The following SLC24A2 variants were observed in gnomAD, a reference collection of about 807,000 sequenced individuals.
SLC24A2 encodes the protein sodium/potassium/calcium exchanger 2.
A neutral mutation model predicts 62.0 loss-of-function variants in SLC24A2; 36 were observed. The ratio of observed to expected loss-of-function variants is 0.58; its 90% CI spans 0.44 to 0.77. SLC24A2 has a LOEUF of 0.77. Among genes scored for constraint, SLC24A2 ranks in the 30% least tolerant of loss-of-function variants. The pLI is 0.00. For missense variants in SLC24A2, 846 were observed against 817.9 expected, an observed-to-expected ratio of 1.03 and a Z score of -0.42; for synonymous variants, 358 against 294.0, an observed-to-expected ratio of 1.22 and a Z score of -2.23.
At chr9:19,833,094 T>A in the SLC24A2 span, among the ~76,000 whole-genome samples, 1 of 152,036 alleles carries the variant, frequency 6.6e-6, no homozygotes, top group Non-Finnish European at 1.5e-5. Flanking sequence ...GGAAACGATA[T>A]TGGGAGCCAA....
At chr9:20,272,744 C>T in the SLC24A2 span, among the ~76,000 whole-genome samples, 1 of 152,198 alleles carries the variant, frequency 6.6e-6, no homozygotes, top group Middle Eastern at 3.4e-3. Context: ...GTCAAGGTTC[C>T]TTTGGTTGCC....
chr9:20,106,384 A>C, the SLC24A2 span, among the ~76,000 whole-genome samples: 1 of 152,204 alleles, frequency 6.6e-6, no homozygotes, highest in Non-Finnish European at 1.5e-5. Context: ...AGCCGGGCAG[A>C]GACACAACCA....
chr9:19,802,837 T>A, the SLC24A2 span, among the ~76,000 whole-genome samples: 1 of 152,284 alleles, frequency 6.6e-6, no homozygotes, highest in East Asian at 1.9e-4. Flanking sequence ...AACATATATA[T>A]TGAAATGTAA....
At chr9:20,135,173 T>C in the SLC24A2 span, among the ~76,000 whole-genome samples, 1 of 152,170 alleles carries the variant, frequency 6.6e-6, no homozygotes, top group Non-Finnish European at 1.5e-5. Context: ...CCCAATCCTT[T>C]TGGAAACTGA....
chr9:19,932,440 G>A, the SLC24A2 span, among the ~76,000 whole-genome samples: 1 of 152,090 alleles, frequency 6.6e-6, no homozygotes, highest in African/African-American at 2.4e-5. Flanking sequence ...ATAATTTTAG[G>A]GGCCTGCTAA....
At chr9:19,654,511 C>T (rs1323376440) in intron 2 of SLC24A2, among the ~76,000 whole-genome samples, 2 of 152,140 alleles carry the variant, frequency 1.3e-5, no homozygotes, top group African/African-American at 4.8e-5. Flanking sequence ...TGGAGGTTCT[C>T]CTCCATCTTC....
the SLC24A2 span, among the ~76,000 whole-genome samples, chr9:19,969,900 T>C: frequency 6.6e-6 from 1 of 152,148 alleles, no homozygotes; most frequent in African/African-American, 2.4e-5. Flanking sequence ...ATACTAGGGA[T>C]TGCAATATAA....
At chr9:20,161,214 A>T in the SLC24A2 span, among the ~76,000 whole-genome samples, 7 of 151,468 alleles carry the variant, frequency 4.6e-5, no homozygotes, top group Non-Finnish European at 8.9e-5. Flanking sequence ...TTAAATGACA[A>T]ATTTCTAGAG....
chr9:19,629,982 G>T (rs140834067), intron 2 of SLC24A2, among the ~76,000 whole-genome samples: 1 of 152,070 alleles, frequency 6.6e-6, no homozygotes, highest in Admixed American at 6.6e-5. Context: ...TGGGATTTAG[G>T]TGTGGCCCAA....
intron 2 of SLC24A2, among the ~76,000 whole-genome samples, chr9:19,782,464 G>C (rs374377735): frequency 6.6e-6 from 1 of 152,114 alleles, no homozygotes; most frequent in Non-Finnish European, 1.5e-5. Context: ...ATGAAATAAA[G>C]ACATTTTGAA....
At chr9:20,103,901 A>G in the SLC24A2 span, among the ~76,000 whole-genome samples, 1 of 152,204 alleles carries the variant, frequency 6.6e-6, no homozygotes, top group Non-Finnish European at 1.5e-5. Context: ...AAACTACTCC[A>G]AGCTACAGGA....
At chr9:19,748,733 A>G (rs1821904185) in intron 2 of SLC24A2, among the ~76,000 whole-genome samples, 1 of 151,946 alleles carries the variant, frequency 6.6e-6, no homozygotes, top group African/African-American at 2.4e-5. Context: ...AGCTAAAGAC[A>G]TCCTCCTGGC....
At chr9:20,164,450 G>C in the SLC24A2 span, among the ~76,000 whole-genome samples, 7 of 152,038 alleles carry the variant, frequency 4.6e-5, no homozygotes, top group East Asian at 1.9e-4. Context: ...TCTCACACCA[G>C]TTAGAATGGC....
chr9:19,575,900 C>T (rs140450408), intron 6 of SLC24A2, among the ~76,000 whole-genome samples: 2 of 152,202 alleles, frequency 1.3e-5, no homozygotes, highest in Non-Finnish European at 2.9e-5. Context: ...TGTGGCTTTA[C>T]ATTTTTATAG....
intron 2 of SLC24A2, among the ~76,000 whole-genome samples, chr9:19,759,868 C>T (rs568778136): frequency 2.1e-4 from 32 of 152,304 alleles, no homozygotes; most frequent in African/African-American, 7.7e-4. Flanking sequence ...CATCAAACTC[C>T]ATATAAACAC....
intron 2 of SLC24A2, among the ~76,000 whole-genome samples, chr9:19,769,758 G>C (rs953513690): frequency 6.6e-6 from 1 of 152,066 alleles, no homozygotes; most frequent in Non-Finnish European, 1.5e-5. Flanking sequence ...CATGAGTCCT[G>C]GTGGACACTG....
intron 4 of SLC24A2, among the ~76,000 whole-genome samples, chr9:19,617,011 T>A (rs1349739300): frequency 1.3e-5 from 2 of 151,650 alleles, no homozygotes; most frequent in Non-Finnish European, 2.9e-5. Flanking sequence ...TAAAACAGAG[T>A]GAAATTGAGT....
chr9:19,769,661 A>C (rs545933275), intron 2 of SLC24A2, among the ~76,000 whole-genome samples: 1 of 152,308 alleles, frequency 6.6e-6, no homozygotes, highest in South Asian at 2.1e-4. Flanking sequence ...TGTAATCAGC[A>C]GGGCTGCATC....
At chr9:19,708,977 A>C (rs1820624328) in intron 2 of SLC24A2, among the ~76,000 whole-genome samples, 1 of 152,132 alleles carries the variant, frequency 6.6e-6, no homozygotes, top group South Asian at 2.1e-4. Context: ...CAACCTACAA[A>C]ATGGGAGAAA....
Sources: gnomAD v4.1 joint callset for allele counts (sites outside exome capture counted in the v4.1 genomes callset) on GRCh38, gnomAD v4.1.1 for gene constraint, MANE v1.5 for transcripts, NCBI Gene and HGNC (gene_info 2026-07-23, HGNC 2026-07-21) for gene names.